The following RGL1 variants were observed in gnomAD, a reference collection of about 807,000 sequenced individuals.
RGL1 encodes ral guanine nucleotide dissociation stimulator like 1, also known as ral guanine nucleotide dissociation stimulator-like 1.
A neutral mutation model predicts 95.2 loss-of-function variants in RGL1; 24 were observed. The observed-to-expected ratio is 0.25, with a 90% confidence interval of 0.18 to 0.35. The LOEUF is 0.35. Ranked by LOEUF, RGL1 falls within the 10% of genes least tolerant of loss-of-function variation. The pLI, the probability that RGL1 is intolerant of heterozygous loss-of-function variation, is 1.00. For missense variants in RGL1, 715 were observed against 936.3 expected (o/e 0.76, Z 3.08); for synonymous variants, 329 against 344.9 (o/e 0.95, Z 0.51).
intron 1 of RGL1, among the ~76,000 whole-genome samples, chr1:183,679,361 A>G (rs1045566474): frequency 1.3e-5 from 2 of 151,716 alleles, no homozygotes; most frequent in Admixed American, 1.3e-4. Context: ...TACATTAGGT[A>G]TTTCTCCTAA....
rs1558129759 is a variant in RGL1 at position 183,644,600 on chromosome 1, TA to T, written c.-33+8100del. Among the ~76,000 whole-genome samples the T allele has an allele frequency of 2.6e-5, 4 of 152,262 alleles. No homozygotes were observed. The South Asian group carries it at 8.3e-4, about 32-fold the overall frequency. On this transcript the variant is annotated intron_variant, in intron 1 of 18. Coordinates refer to the RGL1 transcript ENST00000304685. ...GCCACCACGCCTGGCCGAATAATATTATTTTAAATTAGCATAGGTTATGATG... is the reference window on the plus strand; with the variant it reads ...GCCACCACGCCTGGCCGAATAATATTTTTTAAATTAGCATAGGTTATGATG...
At chr1:183,697,711 A>G (rs546278132) in intron 1 of RGL1, among the ~76,000 whole-genome samples, 1 of 152,354 alleles carries the variant, frequency 6.6e-6, no homozygotes, top group Middle Eastern at 3.4e-3. Context: ...CTGAGGCCAA[A>G]TTTGAATTTT....
At chr1:183,853,592 T>A (rs1469069420) in intron 3 of RGL1, among the ~76,000 whole-genome samples, 1 of 152,236 alleles carries the variant, frequency 6.6e-6, no homozygotes, top group Non-Finnish European at 1.5e-5. Flanking sequence ...AGAGACTAAT[T>A]CAGTAGGTCT....
At chr1:183,710,217 C>G (rs530944380) in intron 1 of RGL1, 5 of 192,716 alleles carry the variant, frequency 2.6e-5, no homozygotes, top group Non-Finnish European at 5.6e-5. Flanking sequence ...GATGCACACT[C>G]TTACCAGTGC....
chr1:183,769,237 A>T (rs189717095), intron 2 of RGL1, among the ~76,000 whole-genome samples: 218 of 152,370 alleles, frequency 1.4e-3, no homozygotes, highest in African/African-American at 4.9e-3. Flanking sequence ...ACTCAGCTAT[A>T]TTCATTAAAC....
chr1:183,681,270 CT>C (rs1371013402), intron 1 of RGL1, among the ~76,000 whole-genome samples: 1 of 152,202 alleles, frequency 6.6e-6, no homozygotes, highest in Admixed American at 6.5e-5. Context: ...AAAGGGAATG[CT>C]TTCAGCTTTT....
chr1:183,910,278 G>C (rs988823682), intron 14 of RGL1, among the ~76,000 whole-genome samples: 2 of 152,054 alleles, frequency 1.3e-5, no homozygotes, highest in Non-Finnish European at 2.9e-5. Flanking sequence ...TTTGTATTTT[G>C]GTAGAGATGG....
At chr1:183,803,387 A>T (rs1558215320), upstream of RGL1, among the ~76,000 whole-genome samples, 1 of 152,208 alleles carries the variant, frequency 6.6e-6, no homozygotes, top group Non-Finnish European at 1.5e-5. Flanking sequence ...CATTTTGCAG[A>T]TGAGGAAATT....
chr1:183,926,566 G>T lies in RGL1; in HGVS notation c.*274G>T. ...ACATTTAAAACATATATATGCACAT[G>T]TATTTGGTATGCATGTGTATCTATA... On this transcript the variant is annotated 3_prime_UTR_variant, in exon 18 of 18. Coordinates refer to ENST00000360851, the MANE Select transcript of RGL1 (RefSeq NM_001297671.3). 1 of 229,794 alleles carries T rather than the reference G, an allele frequency of 4.4e-6. No individual in the cohort carries two copies. The highest frequency in any genetic ancestry group is 8.6e-6 in the Non-Finnish European group (1 of 116,924). The allele number at this position is 229,794 out of a possible 1,614,324, so 14.2% of individuals were successfully genotyped here.
chr1:183,885,603 T>A (rs1667065220), intron 7 of RGL1, among the ~76,000 whole-genome samples: 1 of 152,150 alleles, frequency 6.6e-6, no homozygotes, highest in African/African-American at 2.4e-5. Context: ...GCATCTTATC[T>A]CATGACTGAG....
chr1:183,856,761 A>AAGAGG (rs1378039727), intron 3 of RGL1, among the ~76,000 whole-genome samples: 1 of 151,958 alleles, frequency 6.6e-6, no homozygotes, highest in East Asian at 1.9e-4. Flanking sequence ...TAGAAGAGAA[A>AAGAGG]AGAGGATTGT....
At chr1:183,688,776 T>A (rs909688779) in intron 1 of RGL1, among the ~76,000 whole-genome samples, 3 of 152,132 alleles carry the variant, frequency 2.0e-5, no homozygotes, top group Admixed American at 6.5e-5. Flanking sequence ...AAAGTCATTT[T>A]AAAAAAATTT....
intron 1 of RGL1, among the ~76,000 whole-genome samples, chr1:183,725,210 C>T (rs1200101075): frequency 6.6e-6 from 1 of 152,202 alleles, no homozygotes; most frequent in Admixed American, 6.5e-5. Context: ...ACTCAGATGA[C>T]AATATCCAAG....
chr1:183,838,947 A>G (rs1023769093), intron 2 of RGL1, among the ~76,000 whole-genome samples: 4 of 152,244 alleles, frequency 2.6e-5, no homozygotes, highest in African/African-American at 9.6e-5. Flanking sequence ...AGCTGGCTCC[A>G]GCATACCGCT....
intron 1 of RGL1, among the ~76,000 whole-genome samples, chr1:183,699,000 A>G (rs1441919035): frequency 6.6e-6 from 1 of 152,268 alleles, no homozygotes; most frequent in Non-Finnish European, 1.5e-5. Context: ...AGGAAGAACT[A>G]TAACATCCAT....
At chr1:183,698,876 G>A (rs1370820193) in intron 1 of RGL1, among the ~76,000 whole-genome samples, 1 of 152,160 alleles carries the variant, frequency 6.6e-6, no homozygotes, top group African/African-American at 2.4e-5. Context: ...TTCATGGTAT[G>A]TTCAAAGTCA....
At chr1:183,704,073 G>A (rs541364380) in intron 1 of RGL1, among the ~76,000 whole-genome samples, 1 of 152,298 alleles carries the variant, frequency 6.6e-6, no homozygotes, top group South Asian at 2.1e-4. Context: ...GGATTAAAGA[G>A]GAGAGAACAA....
chr1:183,728,660 C>T (rs1258303009), intron 1 of RGL1, among the ~76,000 whole-genome samples: 2 of 152,036 alleles, frequency 1.3e-5, no homozygotes, highest in Non-Finnish European at 2.9e-5. Flanking sequence ...ATTTCTAAAA[C>T]CTAAATGCTT....
At chr1:183,655,619 C>CAG (rs1277050225) in intron 1 of RGL1, among the ~76,000 whole-genome samples, 1 of 152,154 alleles carries the variant, frequency 6.6e-6, no homozygotes, top group Non-Finnish European at 1.5e-5. Flanking sequence ...GACGAAAAAG[C>CAG]AGAGGGTGGA....
Sources: allele counts gnomAD v4.1 joint callset (sites outside exome capture counted in the v4.1 genomes callset), GRCh38; gene constraint gnomAD v4.1.1; transcripts MANE v1.5; gene names NCBI Gene and HGNC (gene_info 2026-07-23, HGNC 2026-07-21).